Variants in RTL4 observed in about 807,000 individuals in gnomAD.
RTL4 encodes retrotransposon Gag like 4.
Under a neutral mutation model 5.3 loss-of-function variants are expected in RTL4, and 4 were observed. The ratio of observed to expected loss-of-function variants is 0.75; its 90% CI spans 0.37 to 1.72. The LOEUF is 1.72. Ranked by LOEUF, RTL4 falls within the 40% of genes most tolerant of loss-of-function variation. The pLI is 0.04. For synonymous variants in RTL4, 98 were observed against 87.3 expected, an observed-to-expected ratio of 1.12 and a Z score of -0.68; for missense variants, 260 against 227.1, an observed-to-expected ratio of 1.14 and a Z score of -0.93.
the RTL4 span, among the ~76,000 whole-genome samples, chrX:112,311,430 G>T: frequency 2.7e-5 from 3 of 110,584 alleles, no homozygotes; most frequent in African/African-American, 9.9e-5. Context: ...ATCCTAACAG[G>T]TTTCATTTCT....
chrX:112,340,217 A>T, the RTL4 span, among the ~76,000 whole-genome samples: 1 of 112,497 alleles, frequency 8.9e-6, no homozygotes, highest in African/African-American at 3.2e-5. Flanking sequence ...GCAAATAAAC[A>T]GTTTTTACTT....
the RTL4 span, among the ~76,000 whole-genome samples, chrX:112,381,148 C>T: frequency 9.0e-6 from 1 of 110,824 alleles, no homozygotes; most frequent in Non-Finnish European, 1.9e-5. Context: ...CGCACTTGCA[C>T]ATTGTTCCCG....
the RTL4 span, among the ~76,000 whole-genome samples, chrX:112,410,404 C>T: frequency 1.8e-5 from 2 of 112,040 alleles, no homozygotes; most frequent in Non-Finnish European, 3.8e-5. Context: ...ATTTATAGAA[C>T]ATTTCATCCA....
chrX:112,420,219 G>A, the RTL4 span, among the ~76,000 whole-genome samples: 1 of 111,575 alleles, frequency 9.0e-6, no homozygotes, highest in East Asian at 2.8e-4. Context: ...TTGCACTAAT[G>A]AACCAAGCAC....
the RTL4 span, among the ~76,000 whole-genome samples, chrX:112,405,772 G>A: frequency 9.0e-6 from 1 of 110,817 alleles, no homozygotes; most frequent in African/African-American, 3.3e-5. Flanking sequence ...CAAAATACAG[G>A]TGACCACTAA....
the RTL4 span, among the ~76,000 whole-genome samples, chrX:112,204,168 G>A: frequency 1.8e-5 from 2 of 112,577 alleles, no homozygotes; most frequent in Non-Finnish European, 3.8e-5. Context: ...CAAAAGACAA[G>A]CAATAAGGAA....
the RTL4 span, among the ~76,000 whole-genome samples, chrX:112,398,228 C>G: frequency 9.1e-6 from 1 of 110,408 alleles, no homozygotes; most frequent in Admixed American, 9.7e-5. Flanking sequence ...TCTTCTGTAT[C>G]TATTGAGATG....
chrX:112,402,455 G>A, the RTL4 span, among the ~76,000 whole-genome samples: 3 of 103,955 alleles, frequency 2.9e-5, no homozygotes, highest in East Asian at 6.2e-4. Flanking sequence ...TAAAAATGCT[G>A]TTTTCTAAGA....
At chrX:112,370,688 G>A in the RTL4 span, among the ~76,000 whole-genome samples, 6 of 110,865 alleles carry the variant, frequency 5.4e-5, no homozygotes, top group Non-Finnish European at 1.1e-4. Context: ...CACGCTGAAA[G>A]GTTCATATTT....
the RTL4 span, among the ~76,000 whole-genome samples, chrX:112,368,653 G>GAATT: frequency 4.5e-5 from 5 of 110,594 alleles, no homozygotes; most frequent in Admixed American, 4.8e-4. Context: ...CTTCAACAAT[G>GAATT]AATTATTTGG....
the RTL4 span, among the ~76,000 whole-genome samples, chrX:112,294,470 A>G: frequency 9.0e-6 from 1 of 110,976 alleles, no homozygotes; most frequent in Non-Finnish European, 1.9e-5. Context: ...ATGGTGGCAC[A>G]TGCCTGTAGT....
chrX:112,303,645 A>G, the RTL4 span, among the ~76,000 whole-genome samples: 1 of 92,046 alleles, frequency 1.1e-5, no homozygotes, highest in African/African-American at 4.3e-5. Flanking sequence ...ATTAGGAGAT[A>G]TACCTAATGC....
At chrX:112,348,173 T>A in the RTL4 span, among the ~76,000 whole-genome samples, 1 of 110,072 alleles carries the variant, frequency 9.1e-6, no homozygotes, top group Non-Finnish European at 1.9e-5. Flanking sequence ...TTTTTTTTAA[T>A]CCTGGCCTTC....
the RTL4 span, among the ~76,000 whole-genome samples, chrX:112,241,155 A>G: frequency 2.2e-4 from 24 of 110,816 alleles, no homozygotes; most frequent in East Asian, 4.5e-3. Context: ...TATGGTATTT[A>G]CAAATACCAT....
chrX:112,429,317 A>T, the RTL4 span, among the ~76,000 whole-genome samples: 1 of 110,128 alleles, frequency 9.1e-6, no homozygotes, highest in Non-Finnish European at 1.9e-5. Flanking sequence ...TATTAATTTT[A>T]TTTCCTTTTA....
chrX:112,457,286 G>A (rs1926860654), downstream of RTL4, among the ~76,000 whole-genome samples: 2 of 111,965 alleles, frequency 1.8e-5, no homozygotes, highest in African/African-American at 3.2e-5. Context: ...TTGCATTCAC[G>A]AATGGTTTCT....
chrX:112,381,866 G>A, the RTL4 span: 145 of 1,206,088 alleles, frequency 1.2e-4, 1 homozygote, highest in Admixed American at 2.6e-3. Context: ...ACAACTGAGC[G>A]AGCCAGACAA....
the RTL4 span, among the ~76,000 whole-genome samples, chrX:112,394,460 T>C: frequency 2.7e-5 from 3 of 111,799 alleles, no homozygotes; most frequent in African/African-American, 6.5e-5. Context: ...ATTTTTATAC[T>C]GGTATGATTT....
chrX:112,272,529 G>C, the RTL4 span, among the ~76,000 whole-genome samples: 1 of 111,478 alleles, frequency 9.0e-6, no homozygotes, highest in African/African-American at 3.3e-5. Flanking sequence ...ATGTTGGGAG[G>C]TAGAATGGGC....
Sources: gnomAD v4.1 joint callset for allele counts (sites outside exome capture counted in the v4.1 genomes callset) on GRCh38, gnomAD v4.1.1 for gene constraint, MANE v1.5 for transcripts, NCBI Gene and HGNC (gene_info 2026-07-23, HGNC 2026-07-21) for gene names.